The following LONRF2 variants were observed in gnomAD, a reference collection of about 807,000 sequenced individuals.
LONRF2 encodes LON peptidase N-terminal domain and ring finger 2, also known as LON peptidase N-terminal domain and RING finger protein 2.
A neutral mutation model predicts 66.6 loss-of-function variants in LONRF2; 35 were observed. The observed-to-expected ratio is 0.53, with a 90% CI of 0.40 to 0.70. The LOEUF is 0.70. LONRF2 is among the 30% of genes least tolerant of loss of function. LONRF2 has a pLI of 0.00. For missense variants in LONRF2, 902 were observed against 1,002.1 expected, an observed-to-expected ratio of 0.90 and a Z score of 1.35; for synonymous variants, 417 against 418.1, an observed-to-expected ratio of 1.00 and a Z score of 0.03.
chr2:100,278,574 T>C lies in LONRF2; in HGVS notation c.*5724A>G, dbSNP rs1674645793. The stretch of plus-strand genomic sequence containing the variant: ...TGTGGGGGCTTTCGCTGGTTTATGA[T>C]CCAGAGACCCAGACCCTCCAGGTAA... On this transcript the variant is annotated 3_prime_UTR_variant, in exon 12 of 12. Coordinates refer to ENST00000393437, the MANE Select transcript of LONRF2 (RefSeq NM_198461.4). The C allele has an allele frequency of 6.6e-6, 1 of 152,170 alleles. No individual in the cohort carries two copies. Among genetic ancestry groups the C allele is most frequent in the Non-Finnish European group, 1.5e-5 (1 of 68,036 alleles). The allele number at this position is 152,170 out of a possible 1,614,324, so 9.4% of individuals were successfully genotyped here. A position where few individuals can be genotyped will look rare whatever the true frequency, so the allele number is the denominator to read the frequency against.
chr2:100,293,940 A>G (rs1476891435), intron 9 of LONRF2, among the ~76,000 whole-genome samples: 11 of 152,146 alleles, frequency 7.2e-5, no homozygotes, highest in African/African-American at 2.7e-4. Flanking sequence ...GGGGATAAAG[A>G]AAATTGCAGG....
chr2:100,321,967 C>G lies in LONRF2; in HGVS notation c.127G>C (p.Ala43Pro). ...GCTAGCATGGAGCGAAAGAGCTCGGCTGCCATCTCGTAGTCGCCCGCGCGG... is the reference window on the plus strand; with the variant it reads ...GCTAGCATGGAGCGAAAGAGCTCGGGTGCCATCTCGTAGTCGCCCGCGCGG... ...AFRAGDYEMA[A>P]ELFRSMLAGL... Residue 43 changes from alanine to proline, a missense_variant, in exon 1 of 12, where the codon GCC becomes CCC. Physicochemically the swap from Ala to Pro is conservative, Grantham distance 27. Coordinates refer to ENST00000393437, the MANE Select transcript of LONRF2 (RefSeq NM_198461.4). 6.8e-7 allele frequency: 1 copy of G among 1,469,066 alleles called. No homozygotes were observed. The highest frequency in any genetic ancestry group is 1.3e-5 in the South Asian group (1 of 76,938). 91.0% of individuals were successfully genotyped at this position (1,469,066 alleles called of 1,614,324 possible).
At chr2:100,319,855 G>T (rs1022861187) in intron 1 of LONRF2, among the ~76,000 whole-genome samples, 2 of 152,126 alleles carry the variant, frequency 1.3e-5, no homozygotes, top group African/African-American at 4.8e-5. Flanking sequence ...ATACCTCTTT[G>T]AAACTATTTG....
chr2:100,288,812 C>A (rs2309826), intron 10 of LONRF2, among the ~76,000 whole-genome samples: 94,961 of 152,036 alleles, frequency 0.62, 30,200 homozygotes, highest in East Asian at 0.94. Flanking sequence ...TGGTTCATTT[C>A]TTTTTATTGA....
rs2105711453 is a variant in LONRF2 at position 100,283,258 on chromosome 2, C to A, written c.*1040G>T. On this transcript the variant is annotated 3_prime_UTR_variant, in exon 12 of 12. Coordinates refer to ENST00000393437, the MANE Select transcript of LONRF2 (RefSeq NM_198461.4). ...ATTTTAGGTTGGTGTTGGAGAAAAA[C>A]TTACTGAATATTTACATCCCATACC... 1 of 152,314 alleles carries A rather than the reference C, an allele frequency of 6.6e-6. No homozygotes were observed. Among genetic ancestry groups the A allele is most frequent in the Middle Eastern group, 3.4e-3 (1 of 294 alleles). 9.4% of individuals were successfully genotyped at this position (152,314 alleles called of 1,614,324 possible).
rs1674781628 is a variant in LONRF2, at chr2:100,283,549, C to A, written c.*749G>T. 6.8e-6 allele frequency: 1 copy of A among 146,708 alleles called. No homozygotes were observed. Among genetic ancestry groups the A allele is most frequent in the Admixed American group, 6.9e-5 (1 of 14,396 alleles). 9.1% of individuals were successfully genotyped at this position (146,708 alleles called of 1,614,324 possible). A position where few individuals can be genotyped will look rare whatever the true frequency, so the allele number is the denominator to read the frequency against. The stretch of plus-strand genomic sequence containing the variant: ...TATGTTTGACATCCCAATGCATATA[C>A]AATTTTAACTCACTTTATTGTGTGT... On this transcript the variant is annotated 3_prime_UTR_variant, in exon 12 of 12. Coordinates refer to ENST00000393437, the MANE Select transcript of LONRF2 (RefSeq NM_198461.4).
At chr2:100,300,019 A>G (rs2033747) in intron 4 of LONRF2, 101 bp from the exon 5 acceptor site, 93,807 of 393,338 alleles carry the variant, frequency 0.24, 14,719 homozygotes, top group East Asian at 0.6. Flanking sequence ...GGAAAAAAAA[A>G]GGGGGGGGCA....
At chr2:100,293,658 A>T (rs1675006025) in intron 9 of LONRF2, among the ~76,000 whole-genome samples, 1 of 152,334 alleles carries the variant, frequency 6.6e-6, no homozygotes, top group African/African-American at 2.4e-5. Flanking sequence ...GGAGGTGAAA[A>T]CCAAGCTTAG....
intron 1 of LONRF2, among the ~76,000 whole-genome samples, chr2:100,318,559 G>A (rs570015262): frequency 6.6e-6 from 1 of 152,148 alleles, no homozygotes; most frequent in Non-Finnish European, 1.5e-5. Flanking sequence ...AGGTGTGGTG[G>A]CTCATGTCTA....
At chr2:100,285,664 G>A (rs1026868252) in intron 11 of LONRF2, among the ~76,000 whole-genome samples, 5 of 152,126 alleles carry the variant, frequency 3.3e-5, no homozygotes, top group Middle Eastern at 6.3e-3. Flanking sequence ...TTGGAAGAAC[G>A]GTCGGAGAGA....
At chr2:100,295,651 C>A in intron 7 of LONRF2, 98 bp from the exon 8 acceptor site, 3 of 1,259,750 alleles carry the variant, frequency 2.4e-6, no homozygotes, top group Non-Finnish European at 3.3e-6. Context: ...TGGGTGGGAT[C>A]TCTGAGCAGG....
In LONRF2 at chr2:100,284,516, C is replaced by T. The variant is rs752137136; in HGVS notation, c.2071-24G>A. The T allele has an allele frequency of 1.4e-5, 21 of 1,513,566 alleles. No individual in the cohort carries two copies. The South Asian group carries it at 1.6e-4, about 11-fold the overall frequency. The allele number at this position is 1,513,566 out of a possible 1,614,324, so 93.8% of individuals were successfully genotyped here. A position where few individuals can be genotyped will look rare whatever the true frequency, so the allele number is the denominator to read the frequency against. On this transcript the variant is annotated intron_variant, in intron 11 of 11. Coordinates refer to ENST00000393437, the MANE Select transcript of LONRF2 (RefSeq NM_198461.4). ...CTCTGCAAAAGAGATGAGGGGAAAG[C>T]AAGGTTAACACTGGAAATGCAAGCC...
At chr2:100,305,486 G>A (rs1675273272) in intron 2 of LONRF2, among the ~76,000 whole-genome samples, 1 of 152,090 alleles carries the variant, frequency 6.6e-6, no homozygotes, top group Non-Finnish European at 1.5e-5. Flanking sequence ...TCTATTTTCA[G>A]GTCCTGTCTT....
In LONRF2 at chr2:100,277,713, G is replaced by C. The variant is rs543406496; in HGVS notation, c.*6585C>G. On this transcript the variant is annotated 3_prime_UTR_variant, in exon 12 of 12. Coordinates refer to ENST00000393437, the MANE Select transcript of LONRF2 (RefSeq NM_198461.4). ...CGGAACCCAAAAAACAACGCATGTGGCCAAAGTTAGGCAGTCGTCTTAACG... is the reference window on the plus strand; with the variant it reads ...CGGAACCCAAAAAACAACGCATGTGCCCAAAGTTAGGCAGTCGTCTTAACG... 5.9e-5 allele frequency: 9 copies of C among 152,284 alleles called. No individual in the cohort carries two copies. Among genetic ancestry groups the C allele is most frequent in the African/African-American group, 2.2e-4 (9 of 41,536 alleles). The allele number at this position is 152,284 out of a possible 1,614,324, so 9.4% of individuals were successfully genotyped here.
chr2:100,284,152 G>A lies in LONRF2; in HGVS notation c.*146C>T, dbSNP rs1674795931. 1.4e-6 allele frequency: 1 copy of A among 689,666 alleles called. No individual in the cohort carries two copies. The highest frequency in any genetic ancestry group is 2.4e-6 in the Non-Finnish European group (1 of 423,386). The allele number at this position is 689,666 out of a possible 1,614,324, so 42.7% of individuals were successfully genotyped here. A position where few individuals can be genotyped will look rare whatever the true frequency, so the allele number is the denominator to read the frequency against. On this transcript the variant is annotated 3_prime_UTR_variant, in exon 12 of 12. Transcript: ENST00000393437. ...CACCAGACACAGAATTGTCATTTTT[G>A]AGGAGGACTCAATGTTTGGCAAGCG...
chr2:100,291,214 G>A (rs1365452499), intron 9 of LONRF2, among the ~76,000 whole-genome samples: 1 of 152,052 alleles, frequency 6.6e-6, no homozygotes, highest in Non-Finnish European at 1.5e-5. Context: ...ACCTTGTGTG[G>A]GCTGGCACCA....
chr2:100,290,797 T>A (rs575445759), intron 9 of LONRF2, among the ~76,000 whole-genome samples: 8 of 152,140 alleles, frequency 5.3e-5, no homozygotes, highest in Non-Finnish European at 1.2e-4. Context: ...ACACTCGGCT[T>A]TCCAAAGCTC....
chr2:100,291,742 AT>A (rs1422903924), intron 9 of LONRF2, among the ~76,000 whole-genome samples: 2 of 151,822 alleles, frequency 1.3e-5, no homozygotes, highest in Non-Finnish European at 2.9e-5. Flanking sequence ...CTACCTCTGC[AT>A]GTCCCTCCTG....
At chr2:100,306,103 G>A (rs1021277932) in intron 2 of LONRF2, among the ~76,000 whole-genome samples, 7 of 151,920 alleles carry the variant, frequency 4.6e-5, no homozygotes, top group East Asian at 3.9e-4. Context: ...TAGTAGAGGC[G>A]GGGTTTCACC....
Sources: gnomAD v4.1 joint callset for allele counts (sites outside exome capture counted in the v4.1 genomes callset) on GRCh38, gnomAD v4.1.1 for gene constraint, MANE v1.5 for transcripts, NCBI Gene and HGNC (gene_info 2026-07-23, HGNC 2026-07-21) for gene names.